SCFD1: variants seen among roughly 807,000 people sequenced by gnomAD.
SCFD1 encodes sec1 family domain containing 1, also known as sec1 family domain-containing protein 1.
Under a neutral mutation model 103.2 loss-of-function variants are expected in SCFD1, and 37 were observed. The ratio of observed to expected loss-of-function variants is 0.36; its 90% CI spans 0.28 to 0.47. The LOEUF (loss-of-function observed/expected upper bound fraction) is 0.47. Among genes scored for constraint, SCFD1 ranks in the 20% least tolerant of loss-of-function variants. The pLI is 1.00. For missense variants in SCFD1, 639 were observed against 761.2 expected, an observed-to-expected ratio of 0.84 and a Z score of 1.89; for synonymous variants, 264 against 245.0, an observed-to-expected ratio of 1.08 and a Z score of -0.73.
At chr14:30,691,959 T>TATTC (rs1890343022) in intron 14 of SCFD1, among the ~76,000 whole-genome samples, 1 of 148,394 alleles carries the variant, frequency 6.7e-6, no homozygotes, top group South Asian at 2.1e-4. Context: ...TTTATTTATT[T>TATTC]ATTTATTTAT....
chr14:30,690,734 C>T (rs1349029746), intron 14 of SCFD1, among the ~76,000 whole-genome samples: 3 of 150,306 alleles, frequency 2.0e-5, no homozygotes, highest in South Asian at 2.1e-4. Flanking sequence ...GAGATGAACC[C>T]GGTACTTCAG....
At chr14:30,699,297 G>GT (rs1192712766) in intron 15 of SCFD1, among the ~76,000 whole-genome samples, 1 of 152,172 alleles carries the variant, frequency 6.6e-6, no homozygotes, top group African/African-American at 2.4e-5. Context: ...CAGTCATTAT[G>GT]TTTTGAAGAA....
At chr14:30,643,172 G>GA (rs560844663) in intron 6 of SCFD1, 144 bp from the exon 7 acceptor site, 10,357 of 509,114 alleles carry the variant, frequency 0.02, no homozygotes, top group East Asian at 0.027. Flanking sequence ...GATCCTGTCT[G>GA]AAAAAAAAAA....
intron 2 of SCFD1, among the ~76,000 whole-genome samples, chr14:30,630,029 A>G (rs1478799761): frequency 1.3e-5 from 2 of 152,152 alleles, no homozygotes; most frequent in Admixed American, 1.3e-4. Context: ...GTGAACTGGA[A>G]AAAAAATAAG....
chr14:30,658,319 A>G (rs554614177), intron 10 of SCFD1: 4 of 154,966 alleles, frequency 2.6e-5, no homozygotes, highest in African/African-American at 9.6e-5. Context: ...AGAATAAAAA[A>G]AAAATGGTTT....
intron 14 of SCFD1, among the ~76,000 whole-genome samples, chr14:30,682,159 A>C (rs923085539): frequency 1.3e-5 from 2 of 152,230 alleles, no homozygotes; most frequent in South Asian, 2.1e-4. Flanking sequence ...GAAAAAATGC[A>C]TATGTTTGGA....
chr14:30,720,492 T>C (rs1184701954), intron 21 of SCFD1, among the ~76,000 whole-genome samples: 3 of 152,140 alleles, frequency 2.0e-5, no homozygotes, highest in African/African-American at 4.8e-5. Context: ...CAAGTAGATA[T>C]ACAGTTAGCC....
chr14:30,641,660 T>G (rs1453612069), intron 6 of SCFD1, among the ~76,000 whole-genome samples: 1 of 152,206 alleles, frequency 6.6e-6, no homozygotes, highest in African/African-American at 2.4e-5. Context: ...TTCTTCTGAT[T>G]GAAATAGATG....
chr14:30,672,400 C>T (rs1031005915), intron 11 of SCFD1, among the ~76,000 whole-genome samples: 7 of 152,194 alleles, frequency 4.6e-5, no homozygotes, highest in African/African-American at 1.7e-4. Context: ...TGCTAGTCTC[C>T]ATTGGATAAA....
chr14:30,724,796 T>C (rs2139422281), intron 23 of SCFD1, among the ~76,000 whole-genome samples: 1 of 152,348 alleles, frequency 6.6e-6, no homozygotes, highest in African/African-American at 2.4e-5. Context: ...CTAGGTTGTC[T>C]TCCAGGGTTT....
chr14:30,669,614 A>T (rs1285779909), intron 10 of SCFD1: 2 of 152,080 alleles, frequency 1.3e-5, no homozygotes, highest in African/African-American at 4.8e-5. Flanking sequence ...GTCCTAGGCA[A>T]GAAAGTTTAG....
At position 30,643,395 on chromosome 14, in the gene SCFD1, T is replaced by C; in HGVS notation, c.603T>C (p.Phe201=). ...DTIVDSLFCF[F]VTLGAVPIIR... is the part of the protein sequence containing the mutation. ...TAGTTGACAGCCTCTTCTGCTTTTT[T>C]GTTACTCTGGGTAAGTTTTCCAGTC... The change falls in exon 7 of 25, where the codon TTT becomes TTC. Residue 201 remains phenylalanine, a synonymous_variant. Coordinates refer to ENST00000458591, the MANE Select transcript of SCFD1 (RefSeq NM_016106.4). 1 of 1,610,970 alleles carries C rather than the reference T, an allele frequency of 6.2e-7. No homozygotes were observed. The highest frequency in any genetic ancestry group is 8.5e-7 in the Non-Finnish European group (1 of 1,177,208).
At position 30,735,697 on chromosome 14, in the gene SCFD1, CTG is replaced by C; in HGVS notation, c.*90_*91del. 1.1e-6 allele frequency: 1 copy of C among 923,822 alleles called. No homozygotes were observed. Among genetic ancestry groups the C allele is most frequent in the Non-Finnish European group, 1.7e-6 (1 of 586,974 alleles). 57.2% of individuals were successfully genotyped at this position (923,822 alleles called of 1,614,324 possible). A position where few individuals can be genotyped will look rare whatever the true frequency, so the allele number is the denominator to read the frequency against. Reference sequence around the variant, plus strand: ...TTAGAAGAGCAATATGTTTCCTTCTCTGTAACAGTGTCCTAACAGTGAAAATC... The same window carrying C: ...TTAGAAGAGCAATATGTTTCCTTCTCTAACAGTGTCCTAACAGTGAAAATC... On this transcript the variant is annotated 3_prime_UTR_variant, in exon 25 of 25. Coordinates refer to ENST00000458591, the MANE Select transcript of SCFD1 (RefSeq NM_016106.4).
chr14:30,659,801 T>C (rs1887268781), intron 10 of SCFD1, among the ~76,000 whole-genome samples: 1 of 152,228 alleles, frequency 6.6e-6, no homozygotes, highest in South Asian at 2.1e-4. Flanking sequence ...TTATTGTTCC[T>C]TGTCCAGTAT....
intron 14 of SCFD1, among the ~76,000 whole-genome samples, chr14:30,679,610 T>G (rs536924611): frequency 3.3e-5 from 5 of 152,090 alleles, no homozygotes; most frequent in African/African-American, 9.6e-5. Flanking sequence ...GATCAGTGAT[T>G]GACAGACTGC....
At position 30,666,247 on chromosome 14, in the gene SCFD1, A is replaced by G. The variant is rs191588986; in HGVS notation, c.856-4009A>G. Among the ~76,000 whole-genome samples, 231 of 152,362 alleles carry G rather than the reference A, an allele frequency of 1.5e-3. 3 individuals carry two copies. Among genetic ancestry groups the G allele is most frequent in the East Asian group, 3.9e-4 (2 of 5,190 alleles). On this transcript the variant is annotated intron_variant, in intron 10 of 24. Coordinates refer to ENST00000458591, the MANE Select transcript of SCFD1 (RefSeq NM_016106.4). ...AATCAAACTAGAACTCAGGATTAAG[A>G]AACTTACTCAAAACCGCACAACTAC...
intron 19 of SCFD1, among the ~76,000 whole-genome samples, chr14:30,710,986 T>G (rs1368644394): frequency 1.3e-5 from 2 of 152,246 alleles, no homozygotes; most frequent in Non-Finnish European, 2.9e-5. Context: ...TTTTTATACC[T>G]TGTTTTATGG....
At chr14:30,714,360 C>CAA (rs11362201) in intron 19 of SCFD1, among the ~76,000 whole-genome samples, 7 of 96,934 alleles carry the variant, frequency 7.2e-5, no homozygotes, top group Non-Finnish European at 1.2e-4. Flanking sequence ...GACTCCGTCT[C>CAA]AAAAAAAAAA....
intron 7 of SCFD1, among the ~76,000 whole-genome samples, chr14:30,644,476 A>G (rs138538579): frequency 5.9e-5 from 9 of 152,318 alleles, no homozygotes; most frequent in Non-Finnish European, 1.2e-4. Context: ...ACAGCGTATA[A>G]GTGTTCCCTT....
Sources: allele counts gnomAD v4.1 joint callset (sites outside exome capture counted in the v4.1 genomes callset), GRCh38; gene constraint gnomAD v4.1.1; transcripts MANE v1.5; gene names NCBI Gene and HGNC (gene_info 2026-07-23, HGNC 2026-07-21).